Variants in RBPJ observed in about 807,000 individuals in gnomAD.
RBPJ encodes the protein recombination signal binding protein for immunoglobulin kappa J region.
Under a neutral mutation model 67.8 loss-of-function variants are expected in RBPJ, and 9 were observed. The observed-to-expected ratio is 0.13, with a 90% confidence interval of 0.08 to 0.23. The LOEUF is 0.23. Ranked by LOEUF, RBPJ falls within the 10% of genes least tolerant of loss-of-function variation. RBPJ has a pLI of 1.00. For missense variants in RBPJ, 305 were observed against 595.6 expected (o/e 0.51, Z 5.08); for synonymous variants, 198 against 203.3 (o/e 0.97, Z 0.22).
the RBPJ span, among the ~76,000 whole-genome samples, chr4:26,108,768 A>G: frequency 2.6e-5 from 4 of 152,212 alleles, no homozygotes; most frequent in Non-Finnish European, 5.9e-5. Context: ...AAGACTCAGC[A>G]AGAATGAACT....
intron 1 of RBPJ, among the ~76,000 whole-genome samples, chr4:26,304,890 T>C (rs1271628245): frequency 6.6e-6 from 1 of 152,124 alleles, no homozygotes; most frequent in East Asian, 1.9e-4. Flanking sequence ...TTGCTTGGGT[T>C]TTTGTGTCAT....
At chr4:26,247,568 G>C (rs936520073) in intron 1 of RBPJ, among the ~76,000 whole-genome samples, 1 of 151,912 alleles carries the variant, frequency 6.6e-6, no homozygotes, top group African/African-American at 2.4e-5. Context: ...GCGCCACCGC[G>C]TCCGGCTAAT....
chr4:26,156,079 AC>A, the RBPJ span, among the ~76,000 whole-genome samples: 1 of 152,204 alleles, frequency 6.6e-6, no homozygotes, highest in East Asian at 1.9e-4. Flanking sequence ...AGGAAGCTTA[AC>A]CTGTGGGTTG....
chr4:26,282,118 G>A (rs1028875601), intron 1 of RBPJ, among the ~76,000 whole-genome samples: 5 of 139,498 alleles, frequency 3.6e-5, no homozygotes, highest in African/African-American at 7.9e-5. Flanking sequence ...GCCTTCATTC[G>A]TAATCCTCTC....
intron 1 of RBPJ, among the ~76,000 whole-genome samples, chr4:26,229,520 T>G (rs930194791): frequency 3.3e-5 from 5 of 152,136 alleles, no homozygotes; most frequent in African/African-American, 1.2e-4. Context: ...CATCCAGAAG[T>G]ACCTGCCCCT....
At position 26,354,470 on chromosome 4, in the gene RBPJ, T is replaced by G. The variant is rs112197046; in HGVS notation, c.21-31883T>G. On this transcript the variant is annotated intron_variant, in intron 1 of 10. Coordinates refer to ENST00000355476, the MANE Select transcript of RBPJ (RefSeq NM_015874.6). ...ATTTCTGTTTTTTTTTTTTTTTTTT[T>G]GATACGGAGTCTTGCTCTGTTACCC... Among the ~76,000 whole-genome samples, 11 of 92,932 alleles carry G rather than the reference T, an allele frequency of 1.2e-4. 1 individual carries two copies. Among genetic ancestry groups the G allele is most frequent in the African/African-American group, 4.1e-4 (11 of 26,698 alleles). The allele number at this position is 92,932 out of a possible 152,430, so 61.0% of individuals were successfully genotyped here.
At chr4:26,203,849 T>C (rs1305860676) in intron 1 of RBPJ, among the ~76,000 whole-genome samples, 1 of 152,210 alleles carries the variant, frequency 6.6e-6, no homozygotes, top group Non-Finnish European at 1.5e-5. Flanking sequence ...GAATTTATTG[T>C]GCCTGACAGT....
At chr4:26,187,968 A>T (rs977443619) in intron 1 of RBPJ, among the ~76,000 whole-genome samples, 1 of 152,224 alleles carries the variant, frequency 6.6e-6, no homozygotes, top group African/African-American at 2.4e-5. Flanking sequence ...TGGAGGCTGC[A>T]GTGAGCCAAG....
At chr4:26,109,111 T>TC in the RBPJ span, among the ~76,000 whole-genome samples, 1 of 147,732 alleles carries the variant, frequency 6.8e-6, no homozygotes, top group East Asian at 1.9e-4. Flanking sequence ...CTCTTTTTTT[T>TC]TTTTTTTTTT....
upstream of RBPJ, among the ~76,000 whole-genome samples, chr4:26,318,196 A>G (rs1722726488): frequency 6.6e-6 from 1 of 152,184 alleles, no homozygotes; most frequent in African/African-American, 2.4e-5. Flanking sequence ...TTCCTATTAG[A>G]GAACTCACTG....
chr4:26,320,748 G>A, upstream of RBPJ: 1 of 1,552,542 alleles, frequency 6.4e-7, no homozygotes. Flanking sequence ...GATAACCGGA[G>A]CGCTCCCCAT....
chr4:26,418,778 A>G (rs1734836712), intron 4 of RBPJ, among the ~76,000 whole-genome samples: 1 of 152,160 alleles, frequency 6.6e-6, no homozygotes, highest in African/African-American at 2.4e-5. Flanking sequence ...TAGTACATTG[A>G]TACCCATTTT....
At chr4:26,230,284 C>CA (rs1170850389) in intron 1 of RBPJ, among the ~76,000 whole-genome samples, 6 of 151,994 alleles carry the variant, frequency 3.9e-5, no homozygotes, top group African/African-American at 1.5e-4. Flanking sequence ...GACCTTCCTA[C>CA]ATGACTAGAT....
intron 1 of RBPJ, among the ~76,000 whole-genome samples, chr4:26,240,960 T>A (rs6825083): frequency 1.2e-3 from 188 of 152,220 alleles, no homozygotes; most frequent in African/African-American, 4.3e-3. Flanking sequence ...TACTTTATAA[T>A]TGGCAACAAC....
Position 26,430,140 on chromosome 4 carries a change from T to C in RBPJ, c.1044+87T>C. 1 of 1,456,398 alleles carries C rather than the reference T, an allele frequency of 6.9e-7. No homozygotes were observed. Among genetic ancestry groups the C allele is most frequent in the Non-Finnish European group, 9.6e-7 (1 of 1,041,832 alleles). The allele number at this position is 1,456,398 out of a possible 1,614,324, so 90.2% of individuals were successfully genotyped here. On this transcript the variant is annotated intron_variant, in intron 9 of 10. Coordinates refer to ENST00000355476, the MANE Select transcript of RBPJ (RefSeq NM_015874.6). The surrounding 1 kb of genome is among the most constrained non-coding windows in gnomAD (Gnocchi z 4.1). Reference sequence around the variant, plus strand: ...GCATCATTTCATTTCATGGGAGTTTTGATTTTTCTCCAATCGTCTGATTAG... The same window carrying C: ...GCATCATTTCATTTCATGGGAGTTTCGATTTTTCTCCAATCGTCTGATTAG...
At chr4:26,399,106 A>T (rs542339278) in intron 2 of RBPJ, among the ~76,000 whole-genome samples, 32 of 152,252 alleles carry the variant, frequency 2.1e-4, no homozygotes, top group Non-Finnish European at 3.7e-4. Flanking sequence ...TTCTGCCGTA[A>T]CCTTAGTTAT....
At chr4:26,295,146 T>G (rs933994951) in intron 1 of RBPJ, among the ~76,000 whole-genome samples, 1 of 152,146 alleles carries the variant, frequency 6.6e-6, no homozygotes, top group African/African-American at 2.4e-5. Flanking sequence ...ACATTACATT[T>G]TTCTCCCCTC....
chr4:26,214,978 A>ATAG (rs1718624278), intron 1 of RBPJ, among the ~76,000 whole-genome samples: 1 of 23,928 alleles, frequency 4.2e-5, no homozygotes, highest in African/African-American at 2.7e-4. Context: ...GAGGGAGGGA[A>ATAG]GGAAGGAGGG....
upstream of RBPJ, chr4:26,320,937 G>A (rs1711567900): frequency 6.2e-7 from 1 of 1,609,622 alleles, no homozygotes; most frequent in Non-Finnish European, 8.5e-7. Context: ...ATCGAGGAGT[G>A]AGGAAAAAGG....
Sources: gnomAD v4.1 joint callset for allele counts (sites outside exome capture counted in the v4.1 genomes callset) on GRCh38, gnomAD v4.1.1 for gene constraint, Gnocchi (gnomAD v3.1) non-coding constraint, MANE v1.5 for transcripts, NCBI Gene and HGNC (gene_info 2026-07-23, HGNC 2026-07-21) for gene names.